KLHL32: variants seen among roughly 807,000 people sequenced by gnomAD.
KLHL32 encodes kelch-like protein 32.
In KLHL32, 35 loss-of-function variants were observed where a neutral mutation model predicts 64.8. The observed-to-expected ratio is 0.54, with a 90% CI of 0.41 to 0.72. KLHL32 has a LOEUF of 0.72. KLHL32 is among the 30% of genes least tolerant of loss of function. The pLI is 0.00. For synonymous variants in KLHL32, 259 were observed against 281.0 expected (o/e 0.92, Z 0.78); for missense variants, 589 against 768.5 (o/e 0.77, Z 2.76).
chr6:97,130,779 C>G lies in KLHL32; in HGVS notation c.1436C>G (p.Pro479Arg). The change falls in exon 9 of 11, where the codon CCC (proline) becomes CGC (arginine). Residue 479 changes from proline to arginine, a missense_variant. Physicochemically the swap from Pro to Arg is moderately radical, Grantham distance 103. Around this residue, in one of 3 missense-constraint regions of KLHL32, gnomAD observed 172 missense variants for 192.0 expected, o/e 0.90. Transcript: ENST00000369261. ...CAGAATAAGTGGATAAGCCGTAGCCCCATGCTGCAGAGAAGGGTCTACCAT... is the reference window on the plus strand; with the variant it reads ...CAGAATAAGTGGATAAGCCGTAGCCGCATGCTGCAGAGAAGGGTCTACCAT... ...PNQNKWISRSPMLQRRVYHSM... is the reference protein window; with the variant it reads ...PNQNKWISRSRMLQRRVYHSM... 2 of 1,613,224 alleles carry G rather than the reference C, an allele frequency of 1.2e-6. No homozygotes were observed. Among genetic ancestry groups the G allele is most frequent in the Non-Finnish European group, 1.7e-6 (2 of 1,179,654 alleles).
intron 3 of KLHL32, among the ~76,000 whole-genome samples, chr6:97,001,751 G>A (rs1033156038): frequency 1.3e-5 from 2 of 152,212 alleles, no homozygotes; most frequent in South Asian, 4.1e-4. Context: ...GGTCTATTAG[G>A]TCTTAGTGTC....
intron 2 of KLHL32, among the ~76,000 whole-genome samples, chr6:96,968,328 T>C (rs1774703095): frequency 6.6e-6 from 1 of 151,818 alleles, no homozygotes; most frequent in Admixed American, 6.6e-5. Flanking sequence ...ATTTTAAACA[T>C]CTTGCAATGC....
At chr6:97,006,608 G>T (rs771350393) in intron 3 of KLHL32, among the ~76,000 whole-genome samples, 1 of 152,114 alleles carries the variant, frequency 6.6e-6, no homozygotes, top group Non-Finnish European at 1.5e-5. Flanking sequence ...ATACTTAAAT[G>T]TGTTTTTGTG....
chr6:96,934,720 A>T (rs1304917714), intron 1 of KLHL32, among the ~76,000 whole-genome samples: 1 of 152,242 alleles, frequency 6.6e-6, no homozygotes, highest in Non-Finnish European at 1.5e-5. Flanking sequence ...TTAATAACAT[A>T]CATTTCTGCA....
intron 3 of KLHL32, among the ~76,000 whole-genome samples, chr6:97,006,226 C>T (rs918115931): frequency 3.3e-5 from 5 of 152,100 alleles, no homozygotes; most frequent in Non-Finnish European, 5.9e-5. Context: ...ATAGTTAGGT[C>T]TTTTCATTGA....
rs139129149 is a variant in KLHL32, at chr6:97,127,346, G to A, written c.1355-58G>A. ...TCCTTTAATTGTATCTCATTCTTAT[G>A]TTGGAATATCCTATTTTTTATTCAT... On this transcript the variant is annotated intron_variant, in intron 7 of 10. Coordinates refer to ENST00000369261, the MANE Select transcript of KLHL32 (RefSeq NM_052904.4). 87 of 1,380,260 alleles carry A rather than the reference G, an allele frequency of 6.3e-5. 1 individual carries two copies. The East Asian group carries it at 1.9e-3, about 31-fold the overall frequency. 85.5% of individuals were successfully genotyped at this position (1,380,260 alleles called of 1,614,324 possible). A position where few individuals can be genotyped will look rare whatever the true frequency, so the allele number is the denominator to read the frequency against.
chr6:96,912,546 G>A, the KLHL32 span, among the ~76,000 whole-genome samples: 2 of 152,258 alleles, frequency 1.3e-5, no homozygotes, highest in South Asian at 2.1e-4. Flanking sequence ...CCCTGGCGGT[G>A]AGACTTGGGG....
chr6:97,082,442 T>G lies in KLHL32; in HGVS notation c.412-2684T>G, dbSNP rs192040569. 5.3e-5 allele frequency among the ~76,000 whole-genome samples: 8 copies of G among 152,016 alleles called. No individual in the cohort carries two copies. The East Asian group carries it at 1.6e-3, about 29-fold the overall frequency. On this transcript the variant is annotated intron_variant, in intron 5 of 10. Transcript: ENST00000369261. The stretch of plus-strand genomic sequence containing the variant: ...TCCTGGCTAACACGGTGAAACCCCG[T>G]TTCCACTAAAAATACAGAAAATTAG...
chr6:96,925,850 CT>C (rs1193237194), intron 1 of KLHL32, among the ~76,000 whole-genome samples: 2 of 152,120 alleles, frequency 1.3e-5, no homozygotes, highest in Non-Finnish European at 2.9e-5. Flanking sequence ...TAAAAAATCT[CT>C]TATTGATTAT....
chr6:97,090,726 T>C (rs1350603708), intron 6 of KLHL32, among the ~76,000 whole-genome samples: 1 of 152,254 alleles, frequency 6.6e-6, no homozygotes, highest in African/African-American at 2.4e-5. Flanking sequence ...AAAATGCATC[T>C]TCATTTATTA....
At chr6:97,073,240 T>C (rs1209604510) in intron 5 of KLHL32, among the ~76,000 whole-genome samples, 1 of 152,214 alleles carries the variant, frequency 6.6e-6, no homozygotes, top group Non-Finnish European at 1.5e-5. Context: ...TCCTGAAATT[T>C]TGGGGAATAA....
rs1773516476 is a variant in KLHL32, at chr6:96,958,494, A to T, written c.-65-8502A>T. ...GAGGGGAGAGAACAATTGAGTGTTG[A>T]TGAGTATGTCTGTATGACTGTAACC... is the stretch of plus-strand genomic sequence containing the variant. On this transcript the variant is annotated intron_variant, in intron 1 of 10. Coordinates refer to ENST00000369261, the MANE Select transcript of KLHL32 (RefSeq NM_052904.4). Among the ~76,000 whole-genome samples the T allele has an allele frequency of 1.3e-5, 2 of 152,324 alleles. 1 individual carries two copies. Among genetic ancestry groups the T allele is most frequent in the South Asian group, 4.1e-4 (2 of 4,830 alleles).
At chr6:97,118,836 A>G (rs973219214) in intron 7 of KLHL32, among the ~76,000 whole-genome samples, 1 of 152,082 alleles carries the variant, frequency 6.6e-6, no homozygotes, top group Non-Finnish European at 1.5e-5. Context: ...CATATAGTAG[A>G]GGGAACAGAC....
chr6:96,942,439 G>C (rs1420549675), intron 1 of KLHL32, among the ~76,000 whole-genome samples: 1 of 152,136 alleles, frequency 6.6e-6, no homozygotes, highest in Non-Finnish European at 1.5e-5. Flanking sequence ...AATTTCCCTT[G>C]TTCTAGACAT....
At chr6:97,094,640 G>GT (rs544211502) in intron 6 of KLHL32, among the ~76,000 whole-genome samples, 3 of 152,106 alleles carry the variant, frequency 2.0e-5, no homozygotes, top group Non-Finnish European at 4.4e-5. Flanking sequence ...TGATATTCTG[G>GT]TAGAGAAAGC....
chr6:97,069,400 C>CTTTT (rs199967868), intron 5 of KLHL32, among the ~76,000 whole-genome samples: 8 of 134,568 alleles, frequency 5.9e-5, no homozygotes, highest in African/African-American at 1.9e-4. Context: ...GATTTTGTTC[C>CTTTT]TTTTTTTTTT....
At chr6:96,904,264 C>A in the KLHL32 span, among the ~76,000 whole-genome samples, 1 of 149,140 alleles carries the variant, frequency 6.7e-6, no homozygotes, top group African/African-American at 2.5e-5. Flanking sequence ...ATAGCTTGAA[C>A]CCAGGAGGCG....
intron 1 of KLHL32, among the ~76,000 whole-genome samples, chr6:96,942,303 C>T (rs1009515720): frequency 1.5e-4 from 23 of 152,290 alleles, no homozygotes; most frequent in African/African-American, 4.8e-4. Context: ...GCTGCCACCT[C>T]GCACCTGCCA....
At chr6:97,019,202 A>G (rs7775906) in intron 3 of KLHL32, among the ~76,000 whole-genome samples, 9,914 of 152,336 alleles carry the variant, frequency 0.065, 693 homozygotes, top group African/African-American at 0.17. Flanking sequence ...AATACCAGAA[A>G]AAAGCAGCGT....
Sources: gnomAD v4.1 joint callset for allele counts (sites outside exome capture counted in the v4.1 genomes callset) on GRCh38, gnomAD v4.1.1 for gene constraint, gnomAD v4.1.1 regional missense constraint, MANE v1.5 for transcripts, NCBI Gene and HGNC (gene_info 2026-07-23, HGNC 2026-07-21) for gene names.